The following C1orf174 variants were observed in gnomAD, a reference collection of about 807,000 sequenced individuals.
C1orf174 encodes the protein UPF0688 protein C1orf174.
A neutral mutation model predicts 18.4 loss-of-function variants in C1orf174; 13 were observed. The observed-to-expected ratio is 0.71, with a 90% CI of 0.46 to 1.12. The LOEUF is 1.12. C1orf174 is among the 50% of genes most tolerant of loss of function. The pLI is 0.00. For missense variants in C1orf174, 309 were observed against 308.0 expected, an observed-to-expected ratio of 1.00 and a Z score of -0.02; for synonymous variants, 100 against 118.3, an observed-to-expected ratio of 0.85 and a Z score of 1.01.
At chr1:3,894,415 G>A (rs909163180) in intron 1 of C1orf174, among the ~76,000 whole-genome samples, 1 of 151,940 alleles carries the variant, frequency 6.6e-6, no homozygotes, top group Non-Finnish European at 1.5e-5. Context: ...AGACCATCCC[G>A]GCTAACACAG....
At chr1:3,894,336 G>T (rs1240171707) in intron 1 of C1orf174, among the ~76,000 whole-genome samples, 1 of 151,996 alleles carries the variant, frequency 6.6e-6, no homozygotes, top group South Asian at 2.1e-4. Context: ...GGCTGGGCGC[G>T]GTGGCTCACG....
chr1:3,900,043 G>T, intron 1 of C1orf174, 129 bp downstream of exon 1: 1 of 1,174,328 alleles, frequency 8.5e-7, no homozygotes, highest in Non-Finnish European at 1.1e-6. Flanking sequence ...TACTGCCGGG[G>T]GCGAGGCCCA....
intron 1 of C1orf174, among the ~76,000 whole-genome samples, 190 bp from the exon 2 acceptor site, chr1:3,893,186 G>T (rs1638546333): frequency 6.6e-6 from 1 of 152,178 alleles, no homozygotes. Context: ...TAGGATACAG[G>T]ATCTACTATT....
chr1:3,890,554 A>T lies in C1orf174; in HGVS notation c.618+15T>A, dbSNP rs770649494. On this transcript the variant is annotated intron_variant, in intron 3 of 3. Transcript: ENST00000361605. ...TGCCTGAGTACCCACGGGAGGAGGA[A>T]GGCGCCGCTCTTACCTGCATGAGCT... The T allele has an allele frequency of 5.6e-6, 9 of 1,611,626 alleles. No homozygotes were observed. The highest frequency in any genetic ancestry group is 7.6e-6 in the Non-Finnish European group (9 of 1,178,474).
chr1:3,889,838 T>C lies in C1orf174; in HGVS notation c.*122A>G, dbSNP rs1311930043. Reference sequence around the variant, plus strand: ...GCTTTGCACTATTGACTTAGATGGGTCAGTTCTGAAGTTTGATTAAGACAT... The same window carrying C: ...GCTTTGCACTATTGACTTAGATGGGCCAGTTCTGAAGTTTGATTAAGACAT... On this transcript the variant is annotated 3_prime_UTR_variant, in exon 4 of 4. Transcript: ENST00000361605. The C allele has an allele frequency of 1.1e-6, 1 of 901,370 alleles. No homozygotes were observed. Among genetic ancestry groups the C allele is most frequent in the East Asian group, 2.4e-5 (1 of 41,366 alleles). The allele number at this position is 901,370 out of a possible 1,614,324, so 55.8% of individuals were successfully genotyped here.
chr1:3,891,211 G>A, intron 2 of C1orf174, 154 bp from the exon 3 acceptor site: 2 of 971,654 alleles, frequency 2.1e-6, no homozygotes, highest in South Asian at 3.3e-5. Context: ...TGCCACCAAG[G>A]GACAAAATAC....
chr1:3,894,159 G>C (rs374985590), intron 1 of C1orf174, among the ~76,000 whole-genome samples: 1 of 152,126 alleles, frequency 6.6e-6, no homozygotes, highest in Non-Finnish European at 1.5e-5. Context: ...CAACAAACAG[G>C]AGCAATGCAG....
rs1430943966 is a variant in C1orf174 at position 3,890,061 on chromosome 1, C to T, written c.631G>A (p.Ala211Thr). 6.2e-7 allele frequency: 1 copy of T among 1,614,028 alleles called. No homozygotes were observed. The highest frequency in any genetic ancestry group is 2.2e-5 in the East Asian group (1 of 44,888). The change falls in exon 4 of 4, where the codon GCG becomes ACG. Residue 211 changes from alanine (A) to threonine (T), a missense_variant. Physicochemically the swap from Ala to Thr is moderately conservative, Grantham distance 58 (BLOSUM62 0). Coordinates refer to ENST00000361605, the MANE Select transcript of C1orf174 (RefSeq NM_207356.3). ...CTCATTGAAGGACAAGATGAAGACG[C>T]AGGTGGGAGGTCCTTAGTGGAGAAG... ...NVELMQDLPP[A>T]SSSCPSMSRR...
In C1orf174 at chr1:3,890,709, GCA is replaced by G. The variant is rs1570963229; in HGVS notation, c.476_477del (p.Val159AlafsTer5). 14 of 1,613,976 alleles carry G rather than the reference GCA, an allele frequency of 8.7e-6. No individual in the cohort carries two copies. The highest frequency in any genetic ancestry group is 1.2e-5 in the Non-Finnish European group (14 of 1,180,036). Reference protein sequence around the residue: ...GAEESNSSSTVQKQNEPGLQT... With the variant: ...GAEESNSSSTXQKQNEPGLQT... ...TGTAGCCCTGGCTCATTCTGCTTCT[GCA>G]CAGTGGAGCTGCTGTTGGATTCTTC... On this transcript the variant is annotated frameshift_variant, in exon 3 of 4. Coordinates refer to ENST00000361605, the MANE Select transcript of C1orf174 (RefSeq NM_207356.3). LOFTEE classifies it high-confidence loss of function.
rs757932986 is a variant in C1orf174, at chr1:3,890,742, C to T, written c.445G>A (p.Gly149Arg). The T allele has an allele frequency of 1.2e-5, 19 of 1,613,968 alleles. No homozygotes were observed. The highest frequency in any genetic ancestry group is 1.6e-4 in the Middle Eastern group (1 of 6,084). The change falls in exon 3 of 4, where the codon GGA becomes AGA. Residue 149 changes from glycine (G) to arginine (R), a missense_variant. By Grantham distance (125) the Gly-to-Arg change is moderately radical. Coordinates refer to ENST00000361605, the MANE Select transcript of C1orf174 (RefSeq NM_207356.3). ...LSVPKHSAGS[G>R]AEESNSSSTV... ...GAGCTGCTGTTGGATTCTTCTGCTC[C>T]GGACCCGGCACTGTGTTTTGGCACG... is the stretch of plus-strand genomic sequence containing the variant.
intron 1 of C1orf174, among the ~76,000 whole-genome samples, chr1:3,898,769 A>G (rs1437647570): frequency 6.8e-6 from 1 of 146,664 alleles, no homozygotes; most frequent in Non-Finnish European, 1.5e-5. Context: ...CATGTACTAT[A>G]TTTGCCAATA....
Position 3,900,188 on chromosome 1 carries a change from AGT to A in C1orf174, c.-4_-3del. ...AGCCCTCACCTTCCGGCTCCTCATG[AGT>A]GTGAGCACCGCAGCCAAGCACCGCG... On this transcript the variant is annotated 5_prime_UTR_variant, in exon 1 of 4. Transcript: ENST00000361605. The A allele has an allele frequency of 6.3e-7, 1 of 1,585,906 alleles. No homozygotes were observed. Among genetic ancestry groups the A allele is most frequent in the Non-Finnish European group, 8.5e-7 (1 of 1,174,706 alleles).
intron 1 of C1orf174, among the ~76,000 whole-genome samples, chr1:3,896,674 C>G: frequency 6.6e-6 from 1 of 152,350 alleles, no homozygotes; most frequent in East Asian, 1.9e-4. Flanking sequence ...CCAACCAGTT[C>G]GCAGAAGAGA....
chr1:3,896,361 T>C (rs1448289508), intron 1 of C1orf174, among the ~76,000 whole-genome samples: 1 of 152,192 alleles, frequency 6.6e-6, no homozygotes, highest in Non-Finnish European at 1.5e-5. Context: ...CCGTCCTAGA[T>C]ATGAGGTGGT....
rs1481516382 is a variant in C1orf174, at chr1:3,893,088, C to G, written c.16-92G>C. 3 of 1,350,100 alleles carry G rather than the reference C, an allele frequency of 2.2e-6. No individual in the cohort carries two copies. In the East Asian group the frequency reaches 7.5e-5, roughly 34 times the overall value. The allele number at this position is 1,350,100 out of a possible 1,614,324, so 83.6% of individuals were successfully genotyped here. On this transcript the variant is annotated intron_variant, in intron 1 of 3. Coordinates refer to ENST00000361605, the MANE Select transcript of C1orf174 (RefSeq NM_207356.3). ...TTCCCACCTAAAGAACACCCGAAGACCGCCCCTCCCACTCCCAGGATTTTA... is the reference window on the plus strand; with the variant it reads ...TTCCCACCTAAAGAACACCCGAAGAGCGCCCCTCCCACTCCCAGGATTTTA...
At chr1:3,891,736 C>T (rs181013737) in intron 2 of C1orf174, 32 of 985,928 alleles carry the variant, frequency 3.2e-5, no homozygotes, top group Middle Eastern at 5.2e-4. Context: ...AAGCCTCTGG[C>T]GGTGAGGCTG....
Position 3,889,859 on chromosome 1 carries a change from G to C in C1orf174, c.*101C>G, listed in dbSNP as rs1482549720. Reference sequence around the variant, plus strand: ...TGGGTCAGTTCTGAAGTTTGATTAAGACATTCTCTTGGAGATACATTTTAT... The same window carrying C: ...TGGGTCAGTTCTGAAGTTTGATTAACACATTCTCTTGGAGATACATTTTAT... On this transcript the variant is annotated 3_prime_UTR_variant, in exon 4 of 4. Transcript: ENST00000361605. 1 of 1,093,550 alleles carries C rather than the reference G, an allele frequency of 9.1e-7. No homozygotes were observed. The highest frequency in any genetic ancestry group is 1.4e-6 in the Non-Finnish European group (1 of 714,618). The allele number at this position is 1,093,550 out of a possible 1,614,324, so 67.7% of individuals were successfully genotyped here. A position where few individuals can be genotyped will look rare whatever the true frequency, so the allele number is the denominator to read the frequency against.
At chr1:3,900,032 C>G (rs1413612613) in intron 1 of C1orf174, 140 bp downstream of exon 1, 16 of 1,065,140 alleles carry the variant, frequency 1.5e-5, no homozygotes, top group Non-Finnish European at 1.9e-5. Flanking sequence ...AGCCCCCCAA[C>G]TACTGCCGGG....
At chr1:3,893,102 C>T in intron 1 of C1orf174, 106 bp from the exon 2 acceptor site, 2 of 1,206,624 alleles carry the variant, frequency 1.7e-6, no homozygotes, top group Non-Finnish European at 2.3e-6. Flanking sequence ...CCCTCCCACT[C>T]CCAGGATTTT....
Sources: allele counts gnomAD v4.1 joint callset (sites outside exome capture counted in the v4.1 genomes callset), GRCh38; gene constraint gnomAD v4.1.1; transcripts MANE v1.5; gene names NCBI Gene and HGNC (gene_info 2026-07-23, HGNC 2026-07-21).